NIBAN2: variants seen among roughly 807,000 people sequenced by gnomAD.
NIBAN2 encodes protein Niban 2.
In NIBAN2, 36 loss-of-function variants were observed where a neutral mutation model predicts 81.8. That is an observed-to-expected ratio of 0.44 (90% CI 0.34 to 0.58). NIBAN2 has a LOEUF of 0.58. NIBAN2 is among the 20% of genes least tolerant of loss of function. NIBAN2 has a pLI of 0.02. For synonymous variants in NIBAN2, 445 were observed against 441.6 expected, an observed-to-expected ratio of 1.01 and a Z score of -0.10; for missense variants, 897 against 1,014.1, an observed-to-expected ratio of 0.88 and a Z score of 1.57.
chr9:127,525,781 A>G (rs1417735617), intron 3 of NIBAN2, among the ~76,000 whole-genome samples: 2 of 152,220 alleles, frequency 1.3e-5, no homozygotes, highest in African/African-American at 4.8e-5. Context: ...ACAGTTGGGA[A>G]GTAGCAGATG....
chr9:127,511,504 A>AT (rs949719364), intron 8 of NIBAN2, among the ~76,000 whole-genome samples: 1 of 145,170 alleles, frequency 6.9e-6, no homozygotes, highest in South Asian at 2.3e-4. Flanking sequence ...GGCCAATATT[A>AT]TTTAAAAAAA....
chr9:127,557,658 A>G (rs73668507), intron 1 of NIBAN2, among the ~76,000 whole-genome samples: 6,967 of 152,316 alleles, frequency 0.046, 558 homozygotes, highest in African/African-American at 0.16. Flanking sequence ...GCAGCCTGCT[A>G]AAGTCAGGCC....
intron 1 of NIBAN2, among the ~76,000 whole-genome samples, chr9:127,553,189 A>AT (rs1477693958): frequency 6.6e-6 from 1 of 152,212 alleles, no homozygotes; most frequent in Non-Finnish European, 1.5e-5. Context: ...TTATGTAACA[A>AT]TAATAATAAA....
rs73599566 is a variant in NIBAN2, at chr9:127,539,543, G to A, written c.56-7765C>T. On this transcript the variant is annotated intron_variant, in intron 1 of 13. Coordinates refer to ENST00000373312, the MANE Select transcript of NIBAN2 (RefSeq NM_022833.4). ...GGTCGGAGCTGGTGGAGAATCATCC[G>A]ACCCACTGGAGCCTTACTTCTTCAT... 9.2e-3 allele frequency among the ~76,000 whole-genome samples: 1,394 copies of A among 152,234 alleles called. 22 individuals carry two copies. Among genetic ancestry groups the A allele is most frequent in the African/African-American group, 0.032 (1,309 of 41,524 alleles).
rs1369443647 is a variant in NIBAN2 at position 127,523,729 on chromosome 9, T to C, written c.539A>G (p.Gln180Arg). Residue 180 changes from glutamine (Q) to arginine (R), a missense_variant, in exon 5 of 14, where the codon CAG becomes CGG. By Grantham distance (43) the Gln-to-Arg change is conservative (BLOSUM62 1). Transcript: ENST00000373312. ...YYFCMMTEAE[Q>R]DKWQAVLQDC... The stretch of plus-strand genomic sequence containing the variant: ...CTGCAGCACAGCCTGCCACTTGTCC[T>C]GCTCGGCTTCTGTCATCATGCAGAA... 6.2e-7 allele frequency: 1 copy of C among 1,614,040 alleles called. No individual in the cohort carries two copies. Among genetic ancestry groups the C allele is most frequent in the Non-Finnish European group, 8.5e-7 (1 of 1,179,986 alleles).
chr9:127,556,518 C>T (rs960836959), intron 1 of NIBAN2, among the ~76,000 whole-genome samples: 1 of 152,168 alleles, frequency 6.6e-6, no homozygotes, highest in African/African-American at 2.4e-5. Flanking sequence ...AAACAATTTG[C>T]ACTAATAAAT....
chr9:127,547,301 A>C (rs1374045294), intron 1 of NIBAN2, among the ~76,000 whole-genome samples: 1 of 147,660 alleles, frequency 6.8e-6, no homozygotes, highest in Admixed American at 6.7e-5. Context: ...GAGGTCACCT[A>C]AGGTCAGGAG....
At chr9:127,557,385 T>C (rs1229457912) in intron 1 of NIBAN2, among the ~76,000 whole-genome samples, 1 of 151,480 alleles carries the variant, frequency 6.6e-6, no homozygotes, top group African/African-American at 2.4e-5. Context: ...GAGGCAGGAG[T>C]TCACCCAAGG....
intron 4 of NIBAN2, 90 bp from the exon 5 acceptor site, chr9:127,523,936 G>T: frequency 7.0e-7 from 1 of 1,426,918 alleles, no homozygotes. Context: ...CATCAGCTCT[G>T]AGGTCAGGCT....
At chr9:127,561,303 CTGGAGCACATGGCA>C (rs1837770063) in intron 1 of NIBAN2, 1 of 985,364 alleles carries the variant, frequency 1.0e-6, no homozygotes, top group African/African-American at 1.7e-5. Flanking sequence ...TGTCAACTTC[CTGGAGCACATGGCA>C]GGGAGCAGGG....
At chr9:127,533,692 TG>T (rs1333420820) in intron 1 of NIBAN2, among the ~76,000 whole-genome samples, 1 of 152,200 alleles carries the variant, frequency 6.6e-6, no homozygotes, top group African/African-American at 2.4e-5. Context: ...TACTTAGGCT[TG>T]GGTGCGTGGA....
In NIBAN2 at chr9:127,568,853, G is replaced by T; in HGVS notation, c.22C>A (p.His8Asn). MGDVLST[H>N]LDDARRQHIA... ...TGCTGGCGCCGGGCGTCGTCCAGGT[G>T]CGTGGACAGCACGTCCCCCATGGCC... is the stretch of plus-strand genomic sequence containing the variant. Residue 8 changes from histidine to asparagine, a missense_variant, in exon 1 of 14, where the codon CAC becomes AAC. This residue lies in a region of NIBAN2 where 209 missense variants were observed against 208.4 expected (regional missense o/e 1.00). Coordinates refer to ENST00000373312, the MANE Select transcript of NIBAN2 (RefSeq NM_022833.4). 7.3e-7 allele frequency: 1 copy of T among 1,367,744 alleles called. No homozygotes were observed. Among genetic ancestry groups the T allele is most frequent in the Admixed American group, 2.9e-5 (1 of 34,106 alleles). 84.7% of individuals were successfully genotyped at this position (1,367,744 alleles called of 1,614,324 possible).
chr9:127,530,430 T>C (rs1837156835), intron 2 of NIBAN2, among the ~76,000 whole-genome samples: 1 of 152,154 alleles, frequency 6.6e-6, no homozygotes, highest in Non-Finnish European at 1.5e-5. Flanking sequence ...AGGCCTGTAA[T>C]CCCAGCACTT....
intron 1 of NIBAN2, chr9:127,561,212 G>A (rs1001590181): frequency 2.1e-5 from 21 of 985,352 alleles, no homozygotes; most frequent in Non-Finnish European, 2.4e-5. Context: ...CAGGGGTCCA[G>A]GGCCATAGGC....
At chr9:127,523,166 T>G (rs1588160198) in intron 5 of NIBAN2, among the ~76,000 whole-genome samples, 1 of 31,162 alleles carries the variant, frequency 3.2e-5, no homozygotes, top group Non-Finnish European at 5.7e-5. Context: ...AGGTTGGTGG[T>G]TTTAAAAAAA....
chr9:127,506,957 C>T lies in NIBAN2; in HGVS notation c.2129G>A (p.Gly710Glu), dbSNP rs765655789. 4 of 1,606,618 alleles carry T rather than the reference C, an allele frequency of 2.5e-6. No homozygotes were observed. The highest frequency in any genetic ancestry group is 2.2e-5 in the South Asian group (2 of 89,992). The change falls in exon 14 of 14, where the codon GGG becomes GAG. Residue 710 changes from glycine to glutamate, a missense_variant. This residue lies in a region of NIBAN2 where 619 missense variants were observed against 691.0 expected (regional missense o/e 0.90). Coordinates refer to ENST00000373312, the MANE Select transcript of NIBAN2 (RefSeq NM_022833.4). ...HLLPGKAVDL[G>E]PPKPSDQETG... Reference sequence around the variant, plus strand: ...CTCCTGGTCGCTGGGCTTGGGGGGCCCAAGGTCCACAGCCTTTCCAGGCAG... The same window carrying T: ...CTCCTGGTCGCTGGGCTTGGGGGGCTCAAGGTCCACAGCCTTTCCAGGCAG...
intron 5 of NIBAN2, among the ~76,000 whole-genome samples, chr9:127,519,016 A>G (rs1836884601): frequency 6.6e-6 from 1 of 151,906 alleles, no homozygotes; most frequent in Non-Finnish European, 1.5e-5. Context: ...CTCTACTAAA[A>G]ATACAAAAAT....
At chr9:127,532,262 T>C (rs895405532) in intron 1 of NIBAN2, among the ~76,000 whole-genome samples, 3 of 152,242 alleles carry the variant, frequency 2.0e-5, no homozygotes, top group African/African-American at 7.2e-5. Context: ...ATGTGATCTC[T>C]AGGGATGATC....
chr9:127,577,062 C>A (rs1234878582), intron 1 of NIBAN2, among the ~76,000 whole-genome samples: 1 of 151,822 alleles, frequency 6.6e-6, no homozygotes, highest in African/African-American at 2.4e-5. Flanking sequence ...GGCTCACGCA[C>A]TTTCAGAGGC....
Sources: gnomAD v4.1 joint callset for allele counts (sites outside exome capture counted in the v4.1 genomes callset) on GRCh38, gnomAD v4.1.1 for gene constraint, gnomAD v4.1.1 regional missense constraint, MANE v1.5 for transcripts, NCBI Gene and HGNC (gene_info 2026-07-23, HGNC 2026-07-21) for gene names.